FNIP1: variants seen among roughly 807,000 people sequenced by gnomAD.
The protein encoded by FNIP1 is folliculin interacting protein 1.
A neutral mutation model predicts 124.5 loss-of-function variants in FNIP1; 40 were observed. The observed-to-expected ratio is 0.32, with a 90% CI of 0.25 to 0.42. FNIP1 has a LOEUF of 0.42. Among genes scored for constraint, FNIP1 ranks in the 10% least tolerant of loss-of-function variants. FNIP1 has a pLI of 1.00. For missense variants in FNIP1, 1,176 were observed against 1,403.7 expected (o/e 0.84, Z 2.59); for synonymous variants, 472 against 470.6 (o/e 1.00, Z -0.04).
intron 11 of FNIP1, among the ~76,000 whole-genome samples, chr5:131,688,816 C>T (rs1013912398): frequency 2.0e-5 from 3 of 149,958 alleles, no homozygotes; most frequent in Non-Finnish European, 3.0e-5. Context: ...ATAAAAATTC[C>T]GAAACTGAAA....
At position 131,672,017 on chromosome 5, in the gene FNIP1, A is replaced by G. The variant is rs12108954; in HGVS notation, c.2427T>C (p.Asp809=). The change falls in exon 14 of 18, where the codon GAT becomes GAC. Residue 809 remains aspartate, a synonymous_variant. Transcript: ENST00000510461. ...GCTCTTCAGAAACCATGTTCTGTGT[A>G]TCAGACTCTCCAGATTGGTCCTTGG... ...QTTKDQSGES[D]TQNMVSEEPC... is the part of the protein sequence containing the mutation. The G allele has an allele frequency of 5.0e-3, 8,011 of 1,614,144 alleles. 382 individuals are homozygous for G. In the African/African-American group the frequency reaches 0.094, roughly 19 times the overall value.
At chr5:131,734,619 AAAAC>A (rs1426070438) in intron 2 of FNIP1, among the ~76,000 whole-genome samples, 20 of 152,328 alleles carry the variant, frequency 1.3e-4, no homozygotes, top group Admixed American at 7.8e-4. Flanking sequence ...TACAAGAAAA[AAAAC>A]AAACAACCCC....
rs765739853 is a variant in FNIP1 at position 131,704,042 on chromosome 5, CATAA to C, written c.1116+19_1116+22del. The C allele has an allele frequency of 5.9e-6, 9 of 1,531,054 alleles. No individual in the cohort carries two copies. The highest frequency in any genetic ancestry group is 1.2e-5 in the South Asian group (1 of 82,726). The allele number at this position is 1,531,054 out of a possible 1,614,324, so 94.8% of individuals were successfully genotyped here. A position where few individuals can be genotyped will look rare whatever the true frequency, so the allele number is the denominator to read the frequency against. On this transcript the variant is annotated intron_variant, in intron 10 of 17. Coordinates refer to ENST00000510461, the MANE Select transcript of FNIP1 (RefSeq NM_133372.3). ...AGAATAAGATTTTAAAAGGAAAATA[CATAA>C]ATAAATAACTATGCTTACCTGTTCT...
chr5:131,674,547 C>T (rs936576531), intron 13 of FNIP1, among the ~76,000 whole-genome samples: 5 of 151,872 alleles, frequency 3.3e-5, no homozygotes, highest in Admixed American at 1.3e-4. Flanking sequence ...AAACCCTTGT[C>T]TCTACAAAAA....
At chr5:131,795,977 G>C (rs763473372) in intron 1 of FNIP1, 1 of 152,104 alleles carries the variant, frequency 6.6e-6, no homozygotes, top group Non-Finnish European at 1.5e-5. Flanking sequence ...GCAGTTTAAC[G>C]ACTAAATTTT....
At chr5:131,716,129 T>G (rs1469877609) in intron 6 of FNIP1, among the ~76,000 whole-genome samples, 1 of 152,212 alleles carries the variant, frequency 6.6e-6, no homozygotes, top group African/African-American at 2.4e-5. Flanking sequence ...AATTTGAACA[T>G]CTGCTCATCT....
rs1766777445 is a variant in FNIP1 at position 131,643,504 on chromosome 5, A to G, written c.*1181T>C. The G allele has an allele frequency of 6.5e-6, 1 of 152,750 alleles. No individual in the cohort carries two copies. The highest frequency in any genetic ancestry group is 2.1e-4 in the South Asian group (1 of 4,828). 9.5% of individuals were successfully genotyped at this position (152,750 alleles called of 1,614,324 possible). On this transcript the variant is annotated 3_prime_UTR_variant, in exon 18 of 18. Coordinates refer to ENST00000510461, the MANE Select transcript of FNIP1 (RefSeq NM_133372.3). ...AAAGTATTGAAAACTTTATCCACCC[A>G]CCTTTCTATTTACATTACTTACAAG...
At chr5:131,659,539 G>A (rs566344461) in intron 15 of FNIP1, among the ~76,000 whole-genome samples, 4 of 152,324 alleles carry the variant, frequency 2.6e-5, no homozygotes, top group South Asian at 2.1e-4. Flanking sequence ...TGTGCTCGGT[G>A]AGGATCTTCA....
chr5:131,772,904 C>G (rs1207285051), intron 1 of FNIP1, among the ~76,000 whole-genome samples: 2 of 152,174 alleles, frequency 1.3e-5, no homozygotes, highest in African/African-American at 4.8e-5. Flanking sequence ...AAACACAAAG[C>G]TGATTGTACC....
At chr5:131,757,629 G>A (rs1350781991) in intron 1 of FNIP1, among the ~76,000 whole-genome samples, 4 of 144,830 alleles carry the variant, frequency 2.8e-5, no homozygotes, top group Non-Finnish European at 1.5e-5. Flanking sequence ...TACGGCCTCT[G>A]AAGGCCAAAA....
chr5:131,720,776 T>C (rs2149543391), intron 3 of FNIP1, among the ~76,000 whole-genome samples: 1 of 152,256 alleles, frequency 6.6e-6, no homozygotes, highest in South Asian at 2.1e-4. Context: ...ATCAGAGAAA[T>C]GTAAATCAAA....
chr5:131,722,500 G>A (rs1201107284), intron 3 of FNIP1, among the ~76,000 whole-genome samples: 1 of 152,088 alleles, frequency 6.6e-6, no homozygotes, highest in African/African-American at 2.4e-5. Flanking sequence ...TGGAGACCAG[G>A]ATATACAGCT....
intron 6 of FNIP1, among the ~76,000 whole-genome samples, chr5:131,711,107 A>T (rs148644795): frequency 6.6e-6 from 1 of 152,218 alleles, no homozygotes; most frequent in Non-Finnish European, 1.5e-5. Context: ...CCACCTAAGC[A>T]CTTGGCACAC....
At position 131,797,011 on chromosome 5, in the gene FNIP1, G is replaced by A; in HGVS notation, c.-90C>T. ...CCCCGCCACCCCCATGGGCGCCTCA[G>A]TCATATGACAGAAATTAGTCACTTC... On this transcript the variant is annotated 5_prime_UTR_variant, in exon 1 of 18. Coordinates refer to ENST00000510461, the MANE Select transcript of FNIP1 (RefSeq NM_133372.3). The A allele has an allele frequency of 8.3e-7, 1 of 1,211,580 alleles. No individual in the cohort carries two copies. The highest frequency in any genetic ancestry group is 1.2e-6 in the Non-Finnish European group (1 of 863,822). The allele number at this position is 1,211,580 out of a possible 1,614,324, so 75.1% of individuals were successfully genotyped here.
chr5:131,705,892 T>C (rs1156330766), intron 9 of FNIP1, among the ~76,000 whole-genome samples: 1 of 152,128 alleles, frequency 6.6e-6, no homozygotes, highest in Non-Finnish European at 1.5e-5. Flanking sequence ...GGTATGTATA[T>C]ACAACGGAAT....
chr5:131,664,268 T>G (rs1217037606), intron 15 of FNIP1, among the ~76,000 whole-genome samples: 1 of 152,218 alleles, frequency 6.6e-6, no homozygotes, highest in African/African-American at 2.4e-5. Context: ...TATTAAAATT[T>G]TACCTTATGG....
In FNIP1 at chr5:131,644,890, G is replaced by C. The variant is rs112584629; in HGVS notation, c.3423-127C>G. On this transcript the variant is annotated intron_variant, in intron 17 of 17. Coordinates refer to ENST00000510461, the MANE Select transcript of FNIP1 (RefSeq NM_133372.3). ...GTTAAGGAGCTAGGCCACTCTGGCC[G>C]AAAGGAAAAATTCTCAGTAAATAAA... The C allele has an allele frequency of 3.7e-4, 286 of 772,902 alleles. 2 individuals are homozygous for C. The African/African-American group carries it at 4.3e-3, about 12-fold the overall frequency. 47.9% of individuals were successfully genotyped at this position (772,902 alleles called of 1,614,324 possible). A position where few individuals can be genotyped will look rare whatever the true frequency, so the allele number is the denominator to read the frequency against.
At chr5:131,706,252 T>A (rs1769108444) in intron 9 of FNIP1, among the ~76,000 whole-genome samples, 159 bp downstream of exon 9, 1 of 152,232 alleles carries the variant, frequency 6.6e-6, no homozygotes, top group South Asian at 2.1e-4. Context: ...TAACTTGTTA[T>A]GTATAACTTA....
intron 1 of FNIP1, among the ~76,000 whole-genome samples, chr5:131,786,408 T>C (rs543894186): frequency 1.3e-3 from 194 of 152,340 alleles, no homozygotes; most frequent in Non-Finnish European, 2.4e-3. Context: ...ATGGGTTCTA[T>C]TGGAGCTGTA....
Sources: gnomAD v4.1 joint callset for allele counts (sites outside exome capture counted in the v4.1 genomes callset) on GRCh38, gnomAD v4.1.1 for gene constraint, MANE v1.5 for transcripts, NCBI Gene and HGNC (gene_info 2026-07-23, HGNC 2026-07-21) for gene names.